The following ADAM17 variants were observed in gnomAD, a reference collection of about 807,000 sequenced individuals.
ADAM17 encodes ADAM metallopeptidase domain 17.
In ADAM17, 39 loss-of-function variants were observed where a neutral mutation model predicts 96.7. The ratio of observed to expected loss-of-function variants is 0.40; its 90% CI spans 0.31 to 0.53. ADAM17 has a LOEUF of 0.53. ADAM17 is among the 20% of genes least tolerant of loss of function. The probability of loss-of-function intolerance (pLI) is 0.44; values close to 1 mark genes in which losing one functional copy is unlikely to be tolerated. For synonymous variants in ADAM17, 344 were observed against 359.2 expected, an observed-to-expected ratio of 0.96 and a Z score of 0.48; for missense variants, 777 against 1,013.2, an observed-to-expected ratio of 0.77 and a Z score of 3.17.
intron 13 of ADAM17, 77 bp from the exon 14 acceptor site, chr2:9,497,325 T>C: frequency 6.4e-7 from 1 of 1,570,676 alleles, no homozygotes; most frequent in East Asian, 2.3e-5. Context: ...ATACGCTGTT[T>C]CTCATACAAG....
Position 9,518,285 on chromosome 2 carries a change from T to C in ADAM17, c.958-38A>G, listed in dbSNP as rs774232453. The C allele has an allele frequency of 2.3e-5, 30 of 1,281,028 alleles. 2 individuals carry two copies. The South Asian group carries it at 4.2e-4, about 18-fold the overall frequency. The allele number at this position is 1,281,028 out of a possible 1,614,324, so 79.4% of individuals were successfully genotyped here. On this transcript the variant is annotated intron_variant, in intron 8 of 18. Coordinates refer to ENST00000310823, the MANE Select transcript of ADAM17 (RefSeq NM_003183.6). ...AAAAAAAAAAAAAAAAAAAAAAGCA[T>C]TCTTAGATTAACAATTACATCAGAC...
At position 9,490,999 on chromosome 2, in the gene ADAM17, T is replaced by C. The variant is rs554406196; in HGVS notation, c.2133+102A>G. ...GACCCTTCCTGCTGCAACATGACCT[T>C]CCATCAGCCAGTGAAAGCTCTTGCT... On this transcript the variant is annotated intron_variant, in intron 18 of 18. Transcript: ENST00000310823. 5 of 1,024,968 alleles carry C rather than the reference T, an allele frequency of 4.9e-6. No homozygotes were observed. In the Admixed American group the frequency reaches 6.3e-5, roughly 13 times the overall value. The allele number at this position is 1,024,968 out of a possible 1,614,324, so 63.5% of individuals were successfully genotyped here.
intron 15 of ADAM17, 48 bp downstream of exon 15, chr2:9,494,586 TAAA>T: frequency 6.2e-7 from 1 of 1,600,580 alleles, no homozygotes; most frequent in Non-Finnish European, 8.5e-7. Context: ...ACTTACAAAA[TAAA>T]AACTTCCTAT....
chr2:9,534,441 A>G (rs564850331), intron 4 of ADAM17, among the ~76,000 whole-genome samples: 5 of 152,146 alleles, frequency 3.3e-5, no homozygotes, highest in Admixed American at 6.5e-5. Flanking sequence ...AGGCTAAGGC[A>G]GGAGAATCGC....
At chr2:9,497,474 C>A (rs1662700660) in intron 13 of ADAM17, among the ~76,000 whole-genome samples, 1 of 152,208 alleles carries the variant, frequency 6.6e-6, no homozygotes, top group Non-Finnish European at 1.5e-5. Flanking sequence ...GCCTCCCAAG[C>A]CCCAGTTAGA....
At position 9,555,512 on chromosome 2, in the gene ADAM17, G is replaced by C. The variant is rs779147649; in HGVS notation, c.94C>G (p.Leu32Val). The change falls in exon 1 of 19, where the codon CTC becomes GTC. Residue 32 changes from leucine to valine, a missense_variant. Leu to Val is a conservative substitution (Grantham distance 32, BLOSUM62 1). Coordinates refer to ENST00000310823, the MANE Select transcript of ADAM17 (RefSeq NM_003183.6). ...DDPGFGPHQR[L>V]EKLDSLLSDY... The stretch of plus-strand genomic sequence containing the variant: ...GCCAACTCCCCTGGGTCTTTACCGA[G>C]TCTCTGGTGGGGGCCGAAGCCCGGG... 13 of 1,594,296 alleles carry C rather than the reference G, an allele frequency of 8.2e-6. No individual in the cohort carries two copies. Among genetic ancestry groups the C allele is most frequent in the Non-Finnish European group, 1.1e-5 (13 of 1,170,390 alleles).
At chr2:9,552,584 GA>G (rs1665618876) in intron 1 of ADAM17, among the ~76,000 whole-genome samples, 1 of 152,136 alleles carries the variant, frequency 6.6e-6, no homozygotes, top group African/African-American at 2.4e-5. Flanking sequence ...AGGTAAATTT[GA>G]AAATACATGT....
intron 4 of ADAM17, among the ~76,000 whole-genome samples, chr2:9,530,788 G>A (rs1245947904): frequency 6.6e-6 from 1 of 151,978 alleles, no homozygotes; most frequent in African/African-American, 2.4e-5. Flanking sequence ...AGTATTTAGG[G>A]GTGAAGGGTC....
intron 4 of ADAM17, among the ~76,000 whole-genome samples, chr2:9,531,631 G>A (rs1156230432): frequency 6.6e-6 from 1 of 152,142 alleles, no homozygotes; most frequent in African/African-American, 2.4e-5. Context: ...GAACCTGGGA[G>A]GCGGAGACTG....
intron 10 of ADAM17, among the ~76,000 whole-genome samples, chr2:9,514,010 C>CAAA (rs565362289): frequency 3.0e-5 from 3 of 100,010 alleles, no homozygotes; most frequent in African/African-American, 7.6e-5. Flanking sequence ...AACTCCATCT[C>CAAA]AAAAAAAAAA....
chr2:9,536,936 AC>A, intron 2 of ADAM17, 108 bp from the exon 3 acceptor site: 1 of 1,285,298 alleles, frequency 7.8e-7, no homozygotes, highest in Non-Finnish European at 1.1e-6. Context: ...TTAATAAAAC[AC>A]TATGCAAGTT....
chr2:9,516,803 A>G lies in ADAM17; in HGVS notation c.1191+1098T>C, dbSNP rs183213674. Among the ~76,000 whole-genome samples the G allele has an allele frequency of 2.5e-4, 38 of 152,288 alleles. No homozygotes were observed. In the East Asian group the frequency reaches 7.3e-3, roughly 29 times the overall value. ...TTAAAAATCAGTATATCAGATACTAATATGTCCTACCAACATCTCTCTCCC... is the reference window on the plus strand; with the variant it reads ...TTAAAAATCAGTATATCAGATACTAGTATGTCCTACCAACATCTCTCTCCC... On this transcript the variant is annotated intron_variant, in intron 10 of 18. Coordinates refer to ENST00000310823, the MANE Select transcript of ADAM17 (RefSeq NM_003183.6).
intron 11 of ADAM17, among the ~76,000 whole-genome samples, chr2:9,509,030 G>C (rs1363977439): frequency 6.6e-6 from 1 of 151,862 alleles, no homozygotes; most frequent in Non-Finnish European, 1.5e-5. Context: ...ATCACAAAAA[G>C]AACAGGAGGC....
chr2:9,554,067 A>G (rs190267594), intron 1 of ADAM17, among the ~76,000 whole-genome samples: 3 of 149,168 alleles, frequency 2.0e-5, no homozygotes, highest in East Asian at 1.9e-4. Context: ...TGTCTTGGAA[A>G]AAAAAAATGG....
intron 1 of ADAM17, among the ~76,000 whole-genome samples, chr2:9,552,592 A>G (rs1038656923): frequency 1.6e-4 from 25 of 152,210 alleles, no homozygotes; most frequent in Non-Finnish European, 1.2e-4. Flanking sequence ...TTGAAAATAC[A>G]TGTTTCAGAT....
intron 13 of ADAM17, among the ~76,000 whole-genome samples, chr2:9,501,718 G>T (rs1196441160): frequency 6.6e-6 from 1 of 152,064 alleles, no homozygotes; most frequent in African/African-American, 2.4e-5. Context: ...TTGTCATTTT[G>T]ATTGTTTCCA....
intron 6 of ADAM17, among the ~76,000 whole-genome samples, chr2:9,524,565 C>G (rs993694242): frequency 6.6e-6 from 1 of 152,106 alleles, no homozygotes; most frequent in East Asian, 1.9e-4. Flanking sequence ...GTTCCTGGGT[C>G]AACTGTATTC....
chr2:9,505,540 G>A, intron 11 of ADAM17, 175 bp from the exon 12 acceptor site: 3 of 630,852 alleles, frequency 4.8e-6, no homozygotes, highest in Non-Finnish European at 8.3e-6. Flanking sequence ...ATGGAACTGG[G>A]AACCTCCCTC....
At chr2:9,518,036 T>G in intron 9 of ADAM17, 47 bp from the exon 10 acceptor site, 1 of 1,576,848 alleles carries the variant, frequency 6.3e-7, no homozygotes, top group South Asian at 1.2e-5. Flanking sequence ...AAATACAGAA[T>G]TATAATATAA....
Sources: gnomAD v4.1 joint callset for allele counts (sites outside exome capture counted in the v4.1 genomes callset) on GRCh38, gnomAD v4.1.1 for gene constraint, MANE v1.5 for transcripts, NCBI Gene and HGNC (gene_info 2026-07-23, HGNC 2026-07-21) for gene names.